The following IAH1 variants were observed in gnomAD, a reference collection of about 807,000 sequenced individuals.
The protein encoded by IAH1 is isoamyl acetate-hydrolyzing esterase 1 homolog.
A neutral mutation model predicts 26.7 loss-of-function variants in IAH1; 24 were observed. The observed-to-expected ratio is 0.90, with a 90% confidence interval of 0.65 to 1.26. IAH1 has a LOEUF of 1.26. Among genes scored for constraint, IAH1 ranks in the 50% most tolerant of loss-of-function variants. IAH1 has a pLI of 0.00. For missense variants in IAH1, 300 were observed against 299.9 expected (o/e 1.00, Z 0.00); for synonymous variants, 140 against 118.5 (o/e 1.18, Z -1.18).
chr2:9,479,739 C>T (rs941726254), intron 3 of IAH1, among the ~76,000 whole-genome samples: 5 of 147,410 alleles, frequency 3.4e-5, no homozygotes, highest in African/African-American at 1.2e-4. Flanking sequence ...GAAATTCAAC[C>T]TAAGGAAATA....
chr2:9,498,501 G>T (rs1662784855), downstream of IAH1, among the ~76,000 whole-genome samples: 1 of 152,208 alleles, frequency 6.6e-6, no homozygotes, highest in African/African-American at 2.4e-5. Context: ...CACAGCTCTG[G>T]ACTGGCCTTT....
Position 9,488,337 on chromosome 2 carries a change from C to A in IAH1, c.*8C>A. 6.3e-7 allele frequency: 1 copy of A among 1,580,654 alleles called. No individual in the cohort carries two copies. The highest frequency in any genetic ancestry group is 1.2e-5 in the South Asian group (1 of 85,056). On this transcript the variant is annotated 3_prime_UTR_variant, in exon 6 of 6. Transcript: ENST00000497473. ...GGAGATGGAGACCATTAGCCAATCACAGGAGACCCAAATCTGCTTGTTATC... is the reference window on the plus strand; with the variant it reads ...GGAGATGGAGACCATTAGCCAATCAAAGGAGACCCAAATCTGCTTGTTATC...
At chr2:9,487,532 C>T (rs1281273106) in intron 5 of IAH1, 1 of 152,156 alleles carries the variant, frequency 6.6e-6, no homozygotes, top group Non-Finnish European at 1.5e-5. Context: ...GGAATGAGGT[C>T]CCAGCTCACT....
At chr2:9,496,797 G>A (rs571163569), downstream of IAH1, among the ~76,000 whole-genome samples, 19 of 152,300 alleles carry the variant, frequency 1.2e-4, no homozygotes, top group Admixed American at 1.2e-3. Context: ...ATATGGAGCA[G>A]AGGAAGGCTA....
Position 9,488,233 on chromosome 2 carries a change from G to C in IAH1, c.651G>C (p.Glu217Asp). Reference sequence around the variant, plus strand: ...TCTCGCATCTCTGGCCTTTGATAGAGAAAAAGGTCTCTTCTCTACCTTTGC... The same window carrying C: ...TCTCGCATCTCTGGCCTTTGATAGACAAAAAGGTCTCTTCTCTACCTTTGC... ...FLFSHLWPLI[E>D]KKVSSLPLLL... The change falls in exon 6 of 6, where the codon GAG (glutamate) becomes GAC (aspartate). Residue 217 changes from glutamate to aspartate, a missense_variant. By Grantham distance (45) the Glu-to-Asp change is conservative. Transcript: ENST00000497473. 6.2e-7 allele frequency: 1 copy of C among 1,613,460 alleles called. No homozygotes were observed. Among genetic ancestry groups the C allele is most frequent in the Non-Finnish European group, 8.5e-7 (1 of 1,179,762 alleles).
rs1209265655 is a variant in IAH1 at position 9,487,315 on chromosome 2, C to T, written c.565-832C>T. ...TGGGAGGGAGACTGGACTCCTGTGT[C>T]CCAGCAATTACTGTTCTAGGTTAGA... is the stretch of plus-strand genomic sequence containing the variant. On this transcript the variant is annotated intron_variant, in intron 5 of 5. Transcript: ENST00000497473. 2.6e-5 allele frequency: 4 copies of T among 152,082 alleles called. No homozygotes were observed. In the East Asian group the frequency reaches 7.7e-4, roughly 29 times the overall value. 9.4% of individuals were successfully genotyped at this position (152,082 alleles called of 1,614,324 possible). A position where few individuals can be genotyped will look rare whatever the true frequency, so the allele number is the denominator to read the frequency against.
intron 4 of IAH1, among the ~76,000 whole-genome samples, chr2:9,482,283 C>T (rs1214660493): frequency 6.6e-6 from 1 of 152,190 alleles, no homozygotes; most frequent in Non-Finnish European, 1.5e-5. Context: ...CCGACTCAGC[C>T]TCCCAAAGTG....
At chr2:9,485,221 G>A (rs1206515184) in intron 5 of IAH1, 1 of 152,282 alleles carries the variant, frequency 6.6e-6, no homozygotes, top group Non-Finnish European at 1.5e-5. Flanking sequence ...TCCGTGGAAT[G>A]GGATACTACT....
intron 3 of IAH1, among the ~76,000 whole-genome samples, chr2:9,480,108 C>T (rs1365183567): frequency 6.6e-6 from 1 of 151,994 alleles, no homozygotes; most frequent in Non-Finnish European, 1.5e-5. Context: ...CGCACCTGGC[C>T]GTGTATTGCT....
At chr2:9,487,888 CAGT>C (rs1050778324) in intron 5 of IAH1, among the ~76,000 whole-genome samples, 2 of 151,592 alleles carry the variant, frequency 1.3e-5, no homozygotes, top group Admixed American at 6.6e-5. Flanking sequence ...GGCTGGAACT[CAGT>C]GGTGCAATGA....
chr2:9,509,829 AAC>A, the IAH1 span: 1,458 of 1,034,452 alleles, frequency 1.4e-3, 7 homozygotes, highest in African/African-American at 0.022. Flanking sequence ...TTCACCCCAA[AAC>A]ACACAACCAC....
chr2:9,497,002 G>T, downstream of IAH1: 1 of 1,491,658 alleles, frequency 6.7e-7, no homozygotes, highest in Non-Finnish European at 9.0e-7. Flanking sequence ...CTCATCCTCG[G>T]CTTGGATCTC....
rs563636372 is a variant in IAH1, at chr2:9,474,660, C to A, written c.81+13C>A. 3.3e-6 allele frequency: 5 copies of A among 1,535,284 alleles called. No homozygotes were observed. In the African/African-American group the frequency reaches 7.1e-5, roughly 22 times the overall value. ...CTCCATCACCCAGGTACGGCCGCCC[C>A]GACGCTCGGCCTCCCGCCCCGGCCT... is the stretch of plus-strand genomic sequence containing the variant. On this transcript the variant is annotated intron_variant, in intron 1 of 5. Coordinates refer to ENST00000497473, the MANE Select transcript of IAH1 (RefSeq NM_001039613.3). This position sits in a 1 kb window ranked among gnomAD's most constrained non-coding sequence, Gnocchi z 4.3.
intron 1 of IAH1, chr2:9,475,164 C>G: frequency 7.8e-7 from 1 of 1,287,824 alleles, no homozygotes; most frequent in Non-Finnish European, 1.0e-6. Context: ...AAGGACCATC[C>G]GTTCATCCAA....
chr2:9,506,484 AGCCTCCTG>A, the IAH1 span, among the ~76,000 whole-genome samples: 48 of 147,522 alleles, frequency 3.3e-4, no homozygotes, highest in Admixed American at 2.7e-3. Context: ...CTTCTGCCTC[AGCCTCCTG>A]AGTAGCTAGG....
At chr2:9,483,001 G>T (rs1461120494) in intron 4 of IAH1, among the ~76,000 whole-genome samples, 1 of 152,222 alleles carries the variant, frequency 6.6e-6, no homozygotes, top group Non-Finnish European at 1.5e-5. Flanking sequence ...ACTGCTTTGG[G>T]GGGCAGTGTC....
intron 5 of IAH1, 104 bp from the exon 6 acceptor site, chr2:9,488,043 C>T: frequency 2.6e-6 from 2 of 780,618 alleles, no homozygotes; most frequent in Non-Finnish European, 2.0e-6. Flanking sequence ...GGGTCTCAAA[C>T]TCCTGTCTTC....
chr2:9,488,307 T>C lies in IAH1; in HGVS notation c.725T>C (p.Leu242Pro), dbSNP rs370514738. The stretch of plus-strand genomic sequence containing the variant: ...GCAGAAGCAAAACCTGAATTAAGTC[T>C]GCTGGGAGATGGAGACCATTAGCCA... ...DVAEAKPELS[L>P]LGDGDH The change falls in exon 6 of 6, where the codon CTG becomes CCG. Residue 242 changes from leucine to proline, a missense_variant. Leu to Pro is a moderately conservative substitution (Grantham distance 98). Coordinates refer to ENST00000497473, the MANE Select transcript of IAH1 (RefSeq NM_001039613.3). The C allele has an allele frequency of 3.5e-5, 57 of 1,608,246 alleles. No homozygotes were observed. Among genetic ancestry groups the C allele is most frequent in the Non-Finnish European group, 4.7e-5 (55 of 1,178,136 alleles).
chr2:9,484,764 G>A, intron 5 of IAH1: 1 of 526,586 alleles, frequency 1.9e-6, no homozygotes, highest in Non-Finnish European at 3.4e-6. Flanking sequence ...TCCTTGGCTA[G>A]GAGTTAGTGC....
Sources: allele counts gnomAD v4.1 joint callset (sites outside exome capture counted in the v4.1 genomes callset), GRCh38; gene constraint gnomAD v4.1.1; non-coding constraint Gnocchi (gnomAD v3.1); transcripts MANE v1.5; gene names NCBI Gene and HGNC (gene_info 2026-07-23, HGNC 2026-07-21).